The following SLC9A9 variants were observed in gnomAD, a reference collection of about 807,000 sequenced individuals.
SLC9A9 encodes sodium/hydrogen exchanger 9.
Under a neutral mutation model 77.8 loss-of-function variants are expected in SLC9A9, and 62 were observed. The observed-to-expected ratio is 0.80, with a 90% CI of 0.65 to 0.98. The LOEUF (loss-of-function observed/expected upper bound fraction) is 0.98. Ranked by LOEUF, SLC9A9 falls within the 50% of genes least tolerant of loss-of-function variation. SLC9A9 has a pLI of 0.00. For synonymous variants in SLC9A9, 320 were observed against 283.5 expected (o/e 1.13, Z -1.29); for missense variants, 775 against 774.9 (o/e 1.00, Z 0.00).
chr3:143,595,969 G>C (rs1242334491), intron 6 of SLC9A9, among the ~76,000 whole-genome samples: 2 of 152,168 alleles, frequency 1.3e-5, no homozygotes, highest in Non-Finnish European at 2.9e-5. Context: ...GCTGGGCTTT[G>C]AGGGGGGAAT....
At chr3:143,784,274 G>C (rs2007975206) in intron 4 of SLC9A9, among the ~76,000 whole-genome samples, 1 of 152,090 alleles carries the variant, frequency 6.6e-6, no homozygotes, top group Non-Finnish European at 1.5e-5. Flanking sequence ...TTTCTTGTAG[G>C]TTTATGTATT....
chr3:143,299,261 A>G (rs2030411860), intron 14 of SLC9A9, among the ~76,000 whole-genome samples: 2 of 152,236 alleles, frequency 1.3e-5, no homozygotes, highest in African/African-American at 4.8e-5. Flanking sequence ...ACCAGCATGT[A>G]AATTTCAGCT....
At chr3:143,611,632 G>A (rs1009330187) in intron 6 of SLC9A9, among the ~76,000 whole-genome samples, 6 of 152,178 alleles carry the variant, frequency 3.9e-5, no homozygotes, top group Non-Finnish European at 8.8e-5. Context: ...TACAGCCTGG[G>A]AGCCTGAATA....
At chr3:143,790,431 G>T (rs192337984) in intron 4 of SLC9A9, among the ~76,000 whole-genome samples, 32 of 152,296 alleles carry the variant, frequency 2.1e-4, no homozygotes, top group Non-Finnish European at 3.8e-4. Flanking sequence ...GATTTTTCAT[G>T]ATTTCTAGCC....
rs113541008 is a variant in SLC9A9 at position 143,643,219 on chromosome 3, C to A, written c.755+9036G>T. 7.5e-3 allele frequency among the ~76,000 whole-genome samples: 1,146 copies of A among 152,254 alleles called. 19 individuals are homozygous for A. Among genetic ancestry groups the A allele is most frequent in the African/African-American group, 0.024 (1,006 of 41,546 alleles). On this transcript the variant is annotated intron_variant, in intron 6 of 15. Coordinates refer to ENST00000316549, the MANE Select transcript of SLC9A9 (RefSeq NM_173653.4). ...TATTTGGAAATAGGAAGAGGGGATA[C>A]GGCTGTGACAGTTGTTTCAATAGTC...
At chr3:143,429,646 T>A (rs552063621) in intron 12 of SLC9A9, among the ~76,000 whole-genome samples, 1 of 152,304 alleles carries the variant, frequency 6.6e-6, no homozygotes, top group African/African-American at 2.4e-5. Flanking sequence ...CTTCTCTCCA[T>A]CACTCTGCAC....
intron 4 of SLC9A9, among the ~76,000 whole-genome samples, chr3:143,765,001 TTCTTTCTTTCTCTCTTTC>T (rs1553790235): frequency 8.4e-5 from 12 of 143,552 alleles, no homozygotes; most frequent in South Asian, 6.3e-4. Flanking sequence ...CTTCCTTCCT[TTCTTTCTTTCTCTCTTTC>T]TCTTTCTTTC....
chr3:143,722,390 G>A (rs910858638), intron 4 of SLC9A9, among the ~76,000 whole-genome samples: 57 of 145,246 alleles, frequency 3.9e-4, no homozygotes, highest in East Asian at 8.4e-4. Context: ...GAAGAATGGC[G>A]TGAACCAGGG....
At chr3:143,447,631 AC>A (rs1238851932) in intron 12 of SLC9A9, among the ~76,000 whole-genome samples, 2 of 152,160 alleles carry the variant, frequency 1.3e-5, no homozygotes, top group Non-Finnish European at 2.9e-5. Context: ...ACTACGGAAA[AC>A]CCTATGCAAT....
At chr3:143,282,991 C>CATTG (rs1388792990) in intron 14 of SLC9A9, among the ~76,000 whole-genome samples, 7 of 152,156 alleles carry the variant, frequency 4.6e-5, no homozygotes, top group African/African-American at 1.7e-4. Flanking sequence ...TTTCTGTTTC[C>CATTG]ATTGATTATA....
chr3:143,578,270 C>A (rs1478758479), intron 7 of SLC9A9, among the ~76,000 whole-genome samples: 1 of 152,162 alleles, frequency 6.6e-6, no homozygotes, highest in East Asian at 1.9e-4. Context: ...CTAGTAAGGC[C>A]AATCCTGATG....
chr3:143,320,285 A>G (rs1208385230), intron 14 of SLC9A9, among the ~76,000 whole-genome samples: 1 of 152,254 alleles, frequency 6.6e-6, no homozygotes, highest in Non-Finnish European at 1.5e-5. Context: ...ACTGCCTGTC[A>G]TCTGTACACT....
intron 2 of SLC9A9, among the ~76,000 whole-genome samples, chr3:143,814,719 T>A (rs1410510147): frequency 6.6e-6 from 1 of 152,138 alleles, no homozygotes; most frequent in Non-Finnish European, 1.5e-5. Flanking sequence ...ACCCCAAAAG[T>A]GGACCTGGCT....
intron 8 of SLC9A9, among the ~76,000 whole-genome samples, chr3:143,568,080 G>A (rs1272629505): frequency 6.6e-6 from 1 of 152,098 alleles, no homozygotes; most frequent in Non-Finnish European, 1.5e-5. Context: ...AATCAGAAAG[G>A]AATTTATTGG....
intron 12 of SLC9A9, among the ~76,000 whole-genome samples, chr3:143,402,102 T>A (rs1419698497): frequency 1.3e-5 from 2 of 152,158 alleles, no homozygotes; most frequent in Admixed American, 1.3e-4. Context: ...CCCTACCATG[T>A]CATTTTAAAG....
intron 4 of SLC9A9, among the ~76,000 whole-genome samples, chr3:143,731,784 T>C (rs1934808992): frequency 6.6e-6 from 1 of 152,210 alleles, no homozygotes; most frequent in Non-Finnish European, 1.5e-5. Flanking sequence ...CAAGTCCTAC[T>C]ATATCTTTTT....
At chr3:143,518,897 T>C (rs960728302) in intron 9 of SLC9A9, among the ~76,000 whole-genome samples, 1 of 152,250 alleles carries the variant, frequency 6.6e-6, no homozygotes, top group Non-Finnish European at 1.5e-5. Flanking sequence ...CTTAACTAGA[T>C]GGTATTTACT....
rs147237793 is a variant in SLC9A9, at chr3:143,679,268, A to G, written c.649+13924T>C. Among the ~76,000 whole-genome samples, 846 of 152,242 alleles carry G rather than the reference A, an allele frequency of 5.6e-3. 9 individuals carry two copies. The highest frequency in any genetic ancestry group is 0.019 in the African/African-American group (802 of 41,530). On this transcript the variant is annotated intron_variant, in intron 5 of 15. Transcript: ENST00000316549. ...ACACTGGGGCAGGTGTTCATGGGGG[A>G]AATGTCAGGATCAGTGCAAAAGGTT...
intron 4 of SLC9A9, among the ~76,000 whole-genome samples, chr3:143,738,405 C>T (rs147917650): frequency 2.9e-4 from 44 of 152,246 alleles, no homozygotes; most frequent in African/African-American, 6.5e-4. Context: ...GCCGTTACAA[C>T]GGTTTTGTAA....
Sources: allele counts gnomAD v4.1 joint callset (sites outside exome capture counted in the v4.1 genomes callset), GRCh38; gene constraint gnomAD v4.1.1; transcripts MANE v1.5; gene names NCBI Gene and HGNC (gene_info 2026-07-23, HGNC 2026-07-21).